FAM107A: variants seen among roughly 807,000 people sequenced by gnomAD.
The protein encoded by FAM107A is family with sequence similarity 107 member A.
In FAM107A, 19 loss-of-function variants were observed where a neutral mutation model predicts 13.7. The ratio of observed to expected loss-of-function variants is 1.38; its 90% confidence interval spans 0.97 to 2.03. The LOEUF is 2.03. Ranked by LOEUF, FAM107A falls within the 30% of genes most tolerant of loss-of-function variation. The pLI, the probability that FAM107A is intolerant of heterozygous loss-of-function variation, is 0.00. For synonymous variants in FAM107A, 82 were observed against 74.5 expected, an observed-to-expected ratio of 1.10 and a Z score of -0.52; for missense variants, 203 against 184.4, an observed-to-expected ratio of 1.10 and a Z score of -0.58.
chr3:58,596,724 C>A (rs1481234714), intron 1 of FAM107A, among the ~76,000 whole-genome samples: 1 of 151,870 alleles, frequency 6.6e-6, no homozygotes, highest in East Asian at 1.9e-4. Flanking sequence ...CATTGTGCAG[C>A]TCAGTGAGGT....
chr3:58,623,047 G>A (rs1375554489), intron 1 of FAM107A, among the ~76,000 whole-genome samples: 1 of 152,120 alleles, frequency 6.6e-6, no homozygotes, highest in Non-Finnish European at 1.5e-5. Context: ...GCAATGAGCT[G>A]GAATCCTCTG....
intron 1 of FAM107A, among the ~76,000 whole-genome samples, chr3:58,624,843 A>C (rs1265493787): frequency 1.3e-5 from 2 of 152,042 alleles, no homozygotes; most frequent in African/African-American, 4.8e-5. Flanking sequence ...ACTACCAACT[A>C]TTTTTTGCCT....
upstream of FAM107A, among the ~76,000 whole-genome samples, chr3:58,588,427 C>T (rs1054774799): frequency 1.3e-5 from 2 of 152,212 alleles, no homozygotes; most frequent in African/African-American, 2.4e-5. Flanking sequence ...GGGTCCTGTA[C>T]CTCTCTGCTC....
intron 1 of FAM107A, among the ~76,000 whole-genome samples, chr3:58,584,052 C>A (rs1229716293): frequency 1.3e-5 from 2 of 152,192 alleles, no homozygotes; most frequent in African/African-American, 2.4e-5. Flanking sequence ...CTCACCCCTT[C>A]AGCACATGGC....
intron 1 of FAM107A, among the ~76,000 whole-genome samples, chr3:58,595,717 C>G (rs904855220): frequency 6.6e-6 from 1 of 152,090 alleles, no homozygotes; most frequent in Non-Finnish European, 1.5e-5. Flanking sequence ...CACACACACA[C>G]AAGAAATGTC....
intron 1 of FAM107A, among the ~76,000 whole-genome samples, chr3:58,586,335 A>G (rs1039172069): frequency 1.3e-5 from 2 of 152,238 alleles, no homozygotes; most frequent in African/African-American, 4.8e-5. Context: ...GTTCTCACAC[A>G]TAGGAAGAAA....
chr3:58,592,334 A>G (rs1294939371), intron 1 of FAM107A, among the ~76,000 whole-genome samples: 1 of 152,156 alleles, frequency 6.6e-6, no homozygotes, highest in African/African-American at 2.4e-5. Flanking sequence ...CAGAAGAAGC[A>G]GCTCCCAGAC....
chr3:58,620,897 T>A (rs2065948792), intron 1 of FAM107A, among the ~76,000 whole-genome samples: 1 of 152,194 alleles, frequency 6.6e-6, no homozygotes, highest in South Asian at 2.1e-4. Flanking sequence ...CAAAGGTCAC[T>A]CTGCCTGTCT....
chr3:58,611,057 T>C (rs1287887342), intron 1 of FAM107A, among the ~76,000 whole-genome samples: 1 of 152,226 alleles, frequency 6.6e-6, no homozygotes, highest in Non-Finnish European at 1.5e-5. Context: ...CTTTTCTCCC[T>C]TTGCTCAGCA....
At chr3:58,626,187 G>A (rs1175158916) in intron 1 of FAM107A, among the ~76,000 whole-genome samples, 1 of 149,980 alleles carries the variant, frequency 6.7e-6, no homozygotes, top group Non-Finnish European at 1.5e-5. Context: ...GAGAGCTGGT[G>A]AGTAAATGCA....
intron 2 of FAM107A, among the ~76,000 whole-genome samples, chr3:58,568,230 C>T (rs552119419): frequency 1.8e-3 from 280 of 152,126 alleles, no homozygotes; most frequent in African/African-American, 6.5e-3. Flanking sequence ...GTCAGGAGAC[C>T]GAGACCATCC....
At chr3:58,590,747 C>T (rs1457835134), upstream of FAM107A, among the ~76,000 whole-genome samples, 1 of 152,186 alleles carries the variant, frequency 6.6e-6, no homozygotes, top group Non-Finnish European at 1.5e-5. Context: ...CCCCCATGAT[C>T]TAATCACCTC....
intron 1 of FAM107A, among the ~76,000 whole-genome samples, chr3:58,583,236 G>C (rs961054723): frequency 6.6e-6 from 1 of 152,254 alleles, no homozygotes; most frequent in Admixed American, 6.5e-5. Context: ...ATGTGTGGCC[G>C]CCCGTGGTTA....
upstream of FAM107A, among the ~76,000 whole-genome samples, chr3:58,578,526 C>T (rs1456328148): frequency 2.0e-5 from 3 of 152,242 alleles, no homozygotes; most frequent in East Asian, 3.9e-4. Context: ...CAAGATTGGG[C>T]CACTGCACTC....
intron 1 of FAM107A, chr3:58,573,763 C>G (rs1225984958): frequency 6.6e-6 from 1 of 152,312 alleles, no homozygotes; most frequent in Non-Finnish European, 1.5e-5. Context: ...TCTGTCCATG[C>G]CTCCCTACCC....
At chr3:58,621,816 A>T (rs1228103651) in intron 1 of FAM107A, among the ~76,000 whole-genome samples, 1 of 152,192 alleles carries the variant, frequency 6.6e-6, no homozygotes, top group African/African-American at 2.4e-5. Flanking sequence ...CTCAGGATGC[A>T]ATGTGCCTGG....
intron 1 of FAM107A, among the ~76,000 whole-genome samples, chr3:58,599,011 G>A (rs1321137120): frequency 1.3e-5 from 2 of 151,886 alleles, no homozygotes; most frequent in African/African-American, 2.4e-5. Flanking sequence ...CTGGGATCTC[G>A]GCTCACTGTG....
chr3:58,570,583 CAGAG>C (rs371909507), intron 1 of FAM107A, among the ~76,000 whole-genome samples: 2,145 of 90,870 alleles, frequency 0.024, 41 homozygotes, highest in South Asian at 0.037. Context: ...GCAAATACAG[CAGAG>C]AGAGAGAGAG....
chr3:58,588,838 T>C (rs187365773), upstream of FAM107A, among the ~76,000 whole-genome samples: 166 of 152,282 alleles, frequency 1.1e-3, 1 homozygote, highest in Middle Eastern at 0.017. Context: ...TTTGTATTTT[T>C]AGTAGAGAAG....
Sources: gnomAD v4.1 joint callset for allele counts (sites outside exome capture counted in the v4.1 genomes callset) on GRCh38, gnomAD v4.1.1 for gene constraint, MANE v1.5 for transcripts, NCBI Gene and HGNC (gene_info 2026-07-23, HGNC 2026-07-21) for gene names.